Variants in ZC3H12B observed in about 807,000 individuals in gnomAD.
ZC3H12B encodes zinc finger CCCH-type containing 12B.
Under a neutral mutation model 43.9 loss-of-function variants are expected in ZC3H12B, and 7 were observed. The observed-to-expected ratio is 0.16, with a 90% CI of 0.09 to 0.30. The LOEUF is 0.30. Among genes scored for constraint, ZC3H12B ranks in the 10% least tolerant of loss-of-function variants. The probability of loss-of-function intolerance (pLI) is 1.00; values close to 1 mark genes in which losing one functional copy is unlikely to be tolerated. For missense variants in ZC3H12B, 475 were observed against 670.2 expected (o/e 0.71, Z 3.22); for synonymous variants, 222 against 241.7 (o/e 0.92, Z 0.76).
At chrX:65,128,238 T>C in the ZC3H12B span, among the ~76,000 whole-genome samples, 1 of 112,049 alleles carries the variant, frequency 8.9e-6, no homozygotes. Flanking sequence ...GAGAATGGGG[T>C]AGTATCTTAG....
At chrX:65,405,180 A>G (rs2066807782) in intron 3 of ZC3H12B, among the ~76,000 whole-genome samples, 1 of 112,470 alleles carries the variant, frequency 8.9e-6, no homozygotes, top group South Asian at 3.6e-4. Flanking sequence ...AATCTATGGG[A>G]TACAGCAAAA....
intron 2 of ZC3H12B, among the ~76,000 whole-genome samples, chrX:65,387,814 G>T (rs762127535): frequency 2.7e-5 from 3 of 112,442 alleles, no homozygotes; most frequent in Admixed American, 9.4e-5. Flanking sequence ...CTTCCTTCAG[G>T]AGCTCCTGTA....
upstream of ZC3H12B, among the ~76,000 whole-genome samples, chrX:65,485,647 T>C (rs1216033385): frequency 1.8e-5 from 2 of 112,272 alleles, no homozygotes; most frequent in Non-Finnish European, 3.8e-5. Flanking sequence ...AAAGTGACTC[T>C]TTTGCTTTAG....
chrX:65,036,728 G>C, the ZC3H12B span, among the ~76,000 whole-genome samples: 1 of 110,252 alleles, frequency 9.1e-6, no homozygotes, highest in African/African-American at 3.3e-5. Flanking sequence ...TTTTGGAAAA[G>C]CTTTTGATGA....
the ZC3H12B span, among the ~76,000 whole-genome samples, chrX:65,314,936 A>C: frequency 1.8e-5 from 2 of 111,341 alleles, no homozygotes; most frequent in East Asian, 5.6e-4. Flanking sequence ...CTCTAAATTA[A>C]CTGTAAGGAG....
the ZC3H12B span, among the ~76,000 whole-genome samples, chrX:65,360,152 A>G: frequency 1.8e-5 from 2 of 112,546 alleles, no homozygotes; most frequent in African/African-American, 6.5e-5. Flanking sequence ...ACACTACAAT[A>G]GAGTGTAAAC....
the ZC3H12B span, among the ~76,000 whole-genome samples, chrX:65,170,457 G>T: frequency 9.0e-6 from 1 of 111,623 alleles, no homozygotes; most frequent in African/African-American, 3.3e-5. Flanking sequence ...CTCTCTGGCT[G>T]CCCTTAACAT....
chrX:65,449,741 G>A (rs1024926419), intron 3 of ZC3H12B, among the ~76,000 whole-genome samples: 3 of 111,879 alleles, frequency 2.7e-5, no homozygotes, highest in Non-Finnish European at 5.6e-5. Context: ...TCTAAGAGAA[G>A]TAACTCAGGA....
intron 2 of ZC3H12B, among the ~76,000 whole-genome samples, chrX:65,374,244 TTATA>T (rs1197949328): frequency 1.2e-5 from 1 of 81,632 alleles, no homozygotes; most frequent in Non-Finnish European, 2.1e-5. Flanking sequence ...GTAATATATA[TTATA>T]TATATAGTAT....
intron 3 of ZC3H12B, among the ~76,000 whole-genome samples, chrX:65,401,224 C>A (rs1221522580): frequency 1.8e-5 from 2 of 111,530 alleles, no homozygotes; most frequent in Non-Finnish European, 3.8e-5. Context: ...CCTTCCGCAC[C>A]CTTGGCAGCA....
At chrX:65,113,612 C>A in the ZC3H12B span, among the ~76,000 whole-genome samples, 1 of 109,641 alleles carries the variant, frequency 9.1e-6, no homozygotes, top group African/African-American at 3.3e-5. Flanking sequence ...AGAGAGAAAT[C>A]TTGCATGAGA....
chrX:65,496,782 C>T (rs1251066445), intron 1 of ZC3H12B, among the ~76,000 whole-genome samples: 1 of 109,229 alleles, frequency 9.2e-6, no homozygotes, highest in Non-Finnish European at 1.9e-5. Flanking sequence ...ATGGCAAAAC[C>T]CCGTCTCTAC....
intron 3 of ZC3H12B, among the ~76,000 whole-genome samples, chrX:65,431,759 T>G (rs190315421): frequency 8.9e-6 from 1 of 112,319 alleles, no homozygotes; most frequent in East Asian, 2.8e-4. Context: ...AGTCCCTGAT[T>G]ATCTCACCAA....
the ZC3H12B span, among the ~76,000 whole-genome samples, chrX:65,247,544 A>G: frequency 8.9e-6 from 1 of 112,961 alleles, no homozygotes; most frequent in East Asian, 2.8e-4. Context: ...TCACAGTGGA[A>G]CACTATGAAG....
chrX:65,147,232 G>A, the ZC3H12B span, among the ~76,000 whole-genome samples: 4 of 111,995 alleles, frequency 3.6e-5, no homozygotes, highest in Admixed American at 9.5e-5. Flanking sequence ...TCAGCTCATC[G>A]AGAGATTCTG....
At chrX:65,108,405 T>A in the ZC3H12B span, among the ~76,000 whole-genome samples, 1 of 111,012 alleles carries the variant, frequency 9.0e-6, no homozygotes, top group African/African-American at 3.3e-5. Flanking sequence ...AATTTTAATT[T>A]AATTTAATTT....
intron 3 of ZC3H12B, among the ~76,000 whole-genome samples, chrX:65,435,644 GGATAGATAGATAGATAGATAGATA>G (rs34975614): frequency 1.1e-5 from 1 of 94,364 alleles, no homozygotes; most frequent in South Asian, 5.5e-4. Context: ...AGAACCAATA[GGATAGATAGATAGATAGATAGATA>G]GATAGATAGA....
At chrX:65,137,649 A>T in the ZC3H12B span, among the ~76,000 whole-genome samples, 1 of 112,210 alleles carries the variant, frequency 8.9e-6, no homozygotes, top group African/African-American at 3.2e-5. Context: ...TTTGAACTAG[A>T]TTTGTGACAT....
the ZC3H12B span, among the ~76,000 whole-genome samples, chrX:65,155,903 G>T: frequency 9.2e-6 from 1 of 109,138 alleles, no homozygotes; most frequent in South Asian, 4.0e-4. Flanking sequence ...CTGTATTCTA[G>T]AAGAGTATTT....
Sources: allele counts gnomAD v4.1 joint callset (sites outside exome capture counted in the v4.1 genomes callset), GRCh38; gene constraint gnomAD v4.1.1; transcripts MANE v1.5; gene names NCBI Gene and HGNC (gene_info 2026-07-23, HGNC 2026-07-21).